Variants in SPAG16 observed in about 807,000 individuals in gnomAD.
SPAG16 encodes the protein sperm-associated antigen 16 protein.
SPAG16 carries 86 observed loss-of-function variants against 80.4 expected under a neutral mutation model. That is an observed-to-expected ratio of 1.07 (90% CI 0.90 to 1.28). The LOEUF is 1.28. Among genes scored for constraint, SPAG16 ranks in the 50% most tolerant of loss-of-function variants. SPAG16 has a pLI of 0.00. For missense variants in SPAG16, 870 were observed against 765.3 expected (o/e 1.14, Z -1.61); for synonymous variants, 294 against 265.9 (o/e 1.11, Z -1.03).
chr2:214,246,380 TC>T (rs1352927692), intron 15 of SPAG16, among the ~76,000 whole-genome samples: 2 of 152,090 alleles, frequency 1.3e-5, no homozygotes, highest in African/African-American at 2.4e-5. Context: ...AAATCCATGA[TC>T]CCTCCCTTTG....
intron 9 of SPAG16, among the ~76,000 whole-genome samples, chr2:213,475,575 AT>A (rs1188074501): frequency 6.6e-6 from 1 of 152,134 alleles, no homozygotes; most frequent in Non-Finnish European, 1.5e-5. Context: ...GGCACCATGG[AT>A]GGGCTCTTGC....
At chr2:214,330,709 G>A (rs1696855737) in intron 15 of SPAG16, among the ~76,000 whole-genome samples, 1 of 152,204 alleles carries the variant, frequency 6.6e-6, no homozygotes, top group South Asian at 2.1e-4. Context: ...ACAAACTCTT[G>A]AGCAAGGTAA....
At chr2:214,115,277 G>C (rs572602525) in intron 14 of SPAG16, among the ~76,000 whole-genome samples, 1 of 152,242 alleles carries the variant, frequency 6.6e-6, no homozygotes, top group East Asian at 1.9e-4. Flanking sequence ...ATGGCATTGA[G>C]ACACAGTTCA....
intron 9 of SPAG16, among the ~76,000 whole-genome samples, chr2:213,390,397 T>C (rs939979999): frequency 1.3e-5 from 2 of 152,222 alleles, no homozygotes; most frequent in East Asian, 1.9e-4. Context: ...TAATAACTTA[T>C]GATGCATTTT....
At chr2:214,367,810 T>A (rs1258746221) in intron 15 of SPAG16, among the ~76,000 whole-genome samples, 1 of 152,154 alleles carries the variant, frequency 6.6e-6, no homozygotes, top group Non-Finnish European at 1.5e-5. Context: ...GCTCCACTTT[T>A]TTTCCTTGAA....
intron 11 of SPAG16, among the ~76,000 whole-genome samples, chr2:213,915,880 A>C (rs530263532): frequency 1.3e-5 from 2 of 152,182 alleles, no homozygotes; most frequent in African/African-American, 4.8e-5. Flanking sequence ...AGTGATGACG[A>C]GCTTTTTTTC....
chr2:214,397,800 C>G (rs1445191733), intron 15 of SPAG16, among the ~76,000 whole-genome samples: 2 of 152,184 alleles, frequency 1.3e-5, no homozygotes, highest in Non-Finnish European at 2.9e-5. Context: ...GTTTTCTTCT[C>G]TAATGCAAAA....
intron 10 of SPAG16, among the ~76,000 whole-genome samples, chr2:213,532,628 A>AT (rs1483750881): frequency 1.3e-5 from 2 of 151,498 alleles, no homozygotes; most frequent in African/African-American, 4.9e-5. Flanking sequence ...TGTCCAGCTA[A>AT]TTTTTTTTAT....
chr2:213,452,586 T>C (rs1355781459), intron 9 of SPAG16, among the ~76,000 whole-genome samples: 1 of 152,248 alleles, frequency 6.6e-6, no homozygotes, highest in Non-Finnish European at 1.5e-5. Context: ...AACAGAGTGA[T>C]CTAATTAAAA....
chr2:213,709,026 A>G (rs2065871241), intron 10 of SPAG16, among the ~76,000 whole-genome samples: 1 of 152,272 alleles, frequency 6.6e-6, no homozygotes, highest in Admixed American at 6.5e-5. Flanking sequence ...TTTGGGGCTC[A>G]CATTTATTCT....
At chr2:214,199,532 TG>T (rs137857960) in intron 15 of SPAG16, among the ~76,000 whole-genome samples, 45,473 of 152,032 alleles carry the variant, frequency 0.3, 8,471 homozygotes, top group Non-Finnish European at 0.41. Context: ...AGTCGGGTAA[TG>T]TGATGCCTCT....
intron 10 of SPAG16, among the ~76,000 whole-genome samples, chr2:213,550,447 G>T (rs2076747351): frequency 6.6e-6 from 1 of 151,814 alleles, no homozygotes; most frequent in African/African-American, 2.4e-5. Context: ...AATTCATTTG[G>T]TTCCTTGGGA....
chr2:213,554,471 A>G (rs1367792142), intron 10 of SPAG16, among the ~76,000 whole-genome samples: 1 of 152,190 alleles, frequency 6.6e-6, no homozygotes. Flanking sequence ...GAAAGCCAAT[A>G]AGATTTAGCA....
intron 10 of SPAG16, among the ~76,000 whole-genome samples, chr2:213,626,218 A>G (rs2061955791): frequency 6.6e-6 from 1 of 152,178 alleles, no homozygotes; most frequent in Non-Finnish European, 1.5e-5. Context: ...AAAGATTATC[A>G]TGATAAGGAA....
chr2:213,368,812 A>G lies in SPAG16; in HGVS notation c.832+4667A>G, dbSNP rs140289545. Among the ~76,000 whole-genome samples, 127 of 152,338 alleles carry G rather than the reference A, an allele frequency of 8.3e-4. 1 individual carries two copies. Among genetic ancestry groups the G allele is most frequent in the African/African-American group, 2.9e-3 (121 of 41,568 alleles). ...AAATCATGAGTCAAATCCCATTCAC[A>G]GTTGCTTCAAAGAGAATAAAATACC... On this transcript the variant is annotated intron_variant, in intron 8 of 15. Transcript: ENST00000331683.
At chr2:214,325,345 AC>A (rs1191023518) in intron 15 of SPAG16, among the ~76,000 whole-genome samples, 17 of 152,318 alleles carry the variant, frequency 1.1e-4, no homozygotes, top group South Asian at 1.0e-3. Flanking sequence ...TGTGGACCAA[AC>A]TTTTAGTATC....
chr2:214,018,237 A>G (rs558309671), intron 13 of SPAG16, among the ~76,000 whole-genome samples: 1 of 152,288 alleles, frequency 6.6e-6, no homozygotes, highest in East Asian at 1.9e-4. Flanking sequence ...ACTTCATTTC[A>G]GATATAGCTA....
chr2:213,763,623 T>C (rs934848833), intron 10 of SPAG16, among the ~76,000 whole-genome samples: 1 of 151,950 alleles, frequency 6.6e-6, no homozygotes, highest in Non-Finnish European at 1.5e-5. Flanking sequence ...AACAATACTA[T>C]ACTGTGTGCT....
At chr2:214,151,174 A>C (rs1202616449) in intron 15 of SPAG16, among the ~76,000 whole-genome samples, 3 of 152,078 alleles carry the variant, frequency 2.0e-5, no homozygotes, top group Non-Finnish European at 4.4e-5. Flanking sequence ...TTTCTCATTG[A>C]ATAATGAGAA....
Sources: gnomAD v4.1 joint callset for allele counts (sites outside exome capture counted in the v4.1 genomes callset) on GRCh38, gnomAD v4.1.1 for gene constraint, MANE v1.5 for transcripts, NCBI Gene and HGNC (gene_info 2026-07-23, HGNC 2026-07-21) for gene names.